The following DDAH1 variants were observed in gnomAD, a reference collection of about 807,000 sequenced individuals.
DDAH1 encodes dimethylarginine dimethylaminohydrolase 1.
Under a neutral mutation model 28.8 loss-of-function variants are expected in DDAH1, and 19 were observed. That is an observed-to-expected ratio of 0.66 (90% CI 0.46 to 0.97). The LOEUF (loss-of-function observed/expected upper bound fraction) is 0.97. DDAH1 is among the 50% of genes least tolerant of loss of function. The pLI, the probability that DDAH1 is intolerant of heterozygous loss-of-function variation, is 0.00. For missense variants in DDAH1, 326 were observed against 375.9 expected, an observed-to-expected ratio of 0.87 and a Z score of 1.10; for synonymous variants, 153 against 154.4, an observed-to-expected ratio of 0.99 and a Z score of 0.07.
chr1:85,539,307 C>A (rs1658397864), intron 1 of DDAH1, among the ~76,000 whole-genome samples: 1 of 152,132 alleles, frequency 6.6e-6, no homozygotes, highest in Non-Finnish European at 1.5e-5. Flanking sequence ...CCACCATACT[C>A]AGCTAATTTC....
intron 1 of DDAH1, among the ~76,000 whole-genome samples, chr1:85,409,516 C>T (rs980466093): frequency 2.6e-5 from 4 of 152,210 alleles, no homozygotes; most frequent in African/African-American, 9.6e-5. Flanking sequence ...AAACTTCCTA[C>T]TGGTCTGTGG....
intron 1 of DDAH1, among the ~76,000 whole-genome samples, chr1:85,369,222 A>ATTTTT (rs34408053): frequency 7.5e-6 from 1 of 133,770 alleles, no homozygotes; most frequent in African/African-American, 2.8e-5. Flanking sequence ...CCAATGGCCA[A>ATTTTT]TTTTTTTTTT....
rs563843014 is a variant in DDAH1, at chr1:85,494,336, T to C, written c.-7+1830A>G. The C allele has an allele frequency of 1.2e-4, 18 of 152,344 alleles. No homozygotes were observed. The South Asian group carries it at 3.7e-3, about 32-fold the overall frequency. 9.4% of individuals were successfully genotyped at this position (152,344 alleles called of 1,614,324 possible). The stretch of plus-strand genomic sequence containing the variant: ...TGAAATGAATTCAGCTAATGGATTC[T>C]GCTTCCCCAAAGAGTACTCTCTCTT... On this transcript the variant is annotated intron_variant, in intron 2 of 6. Transcript: ENST00000426972.
At chr1:85,512,790 C>A (rs1325456185) in intron 1 of DDAH1, among the ~76,000 whole-genome samples, 1 of 152,118 alleles carries the variant, frequency 6.6e-6, no homozygotes, top group Non-Finnish European at 1.5e-5. Flanking sequence ...ATCCAACTTA[C>A]AAGGGATGTG....
chr1:85,324,303 T>TA (rs1191279481), intron 5 of DDAH1, among the ~76,000 whole-genome samples: 2 of 97,008 alleles, frequency 2.1e-5, no homozygotes, highest in Admixed American at 1.0e-4. Flanking sequence ...TAATAATAAA[T>TA]AAAAAAATAA....
intron 1 of DDAH1, among the ~76,000 whole-genome samples, chr1:85,562,848 G>C (rs946038574): frequency 6.6e-6 from 1 of 152,096 alleles, no homozygotes; most frequent in Non-Finnish European, 1.5e-5. Context: ...ACTTTGGTAT[G>C]GCAGCCCTCA....
chr1:85,366,055 G>T (rs1650057399), intron 1 of DDAH1, among the ~76,000 whole-genome samples: 1 of 151,686 alleles, frequency 6.6e-6, no homozygotes, highest in South Asian at 2.1e-4. Context: ...GGCCTACAGG[G>T]TGGCCTCTGG....
intron 2 of DDAH1, among the ~76,000 whole-genome samples, chr1:85,473,195 GTGTC>G (rs1166803822): frequency 1.3e-5 from 2 of 152,194 alleles, no homozygotes; most frequent in Admixed American, 6.5e-5. Context: ...ATGAGTGACA[GTGTC>G]TGTTTGGTAG....
chr1:85,380,826 T>C (rs1258228641), intron 1 of DDAH1, among the ~76,000 whole-genome samples: 1 of 152,188 alleles, frequency 6.6e-6, no homozygotes, highest in Non-Finnish European at 1.5e-5. Context: ...CTTAGACTTA[T>C]GTGTGTGTGT....
chr1:85,336,291 C>T, intron 4 of DDAH1, among the ~76,000 whole-genome samples: 1 of 151,912 alleles, frequency 6.6e-6, no homozygotes, highest in East Asian at 1.9e-4. Context: ...AAATTAGGCC[C>T]CAAACAAGTA....
chr1:85,361,985 C>T (rs1192654714), intron 1 of DDAH1, among the ~76,000 whole-genome samples: 1 of 152,306 alleles, frequency 6.6e-6, no homozygotes, highest in African/African-American at 2.4e-5. Flanking sequence ...TGTGTATACA[C>T]AGTGACAGAT....
intron 1 of DDAH1, among the ~76,000 whole-genome samples, chr1:85,565,598 A>T (rs1659274462): frequency 6.6e-6 from 1 of 152,214 alleles, no homozygotes; most frequent in Non-Finnish European, 1.5e-5. Context: ...AATAAAAAAA[A>T]GTTTTTCAGA....
At chr1:85,344,947 A>G (rs1292038514) in intron 4 of DDAH1, among the ~76,000 whole-genome samples, 1 of 152,210 alleles carries the variant, frequency 6.6e-6, no homozygotes, top group African/African-American at 2.4e-5. Flanking sequence ...AGTTAGGCAC[A>G]CTTAGTTATT....
intron 1 of DDAH1, among the ~76,000 whole-genome samples, chr1:85,538,258 C>G (rs1408997168): frequency 6.6e-6 from 1 of 152,060 alleles, no homozygotes; most frequent in Non-Finnish European, 1.5e-5. Context: ...ATTCAAGGAC[C>G]CTGAATGGTA....
chr1:85,452,951 G>T (rs1481927938), intron 1 of DDAH1, among the ~76,000 whole-genome samples: 1 of 152,196 alleles, frequency 6.6e-6, no homozygotes, highest in South Asian at 2.1e-4. Context: ...CACAAGCAGA[G>T]CACTGTTAGA....
Position 85,464,072 on chromosome 1 carries a change from C to G in DDAH1, c.303+671G>C, listed in dbSNP as rs1302351735. Among the ~76,000 whole-genome samples the G allele has an allele frequency of 6.6e-6, 1 of 152,206 alleles. No homozygotes were observed. Among genetic ancestry groups the G allele is most frequent in the Non-Finnish European group, 1.5e-5 (1 of 68,030 alleles). ...ACAACCATCTCTAATTAAACACGCT[C>G]GCTAGCACACACACCCAACACCGCA... On this transcript the variant is annotated intron_variant, in intron 1 of 5. Transcript: ENST00000284031. This position sits in a 1 kb window ranked among gnomAD's most constrained non-coding sequence, Gnocchi z 4.4.
At chr1:85,485,386 T>G (rs935221776) in intron 2 of DDAH1, among the ~76,000 whole-genome samples, 17 of 152,178 alleles carry the variant, frequency 1.1e-4, no homozygotes, top group African/African-American at 3.6e-4. Context: ...TGAGCTTAAT[T>G]AATTATTTAA....
At chr1:85,328,401 G>A (rs1401798114) in intron 4 of DDAH1, among the ~76,000 whole-genome samples, 1 of 152,256 alleles carries the variant, frequency 6.6e-6, no homozygotes, top group Non-Finnish European at 1.5e-5. Flanking sequence ...GAGTGGGGCT[G>A]CCTCGATATG....
chr1:85,466,718 G>A (rs1655394512), upstream of DDAH1, among the ~76,000 whole-genome samples: 1 of 151,772 alleles, frequency 6.6e-6, no homozygotes, highest in African/African-American at 2.4e-5. Flanking sequence ...ACTTAATGGT[G>A]TCCTCAGATG....
Sources: gnomAD v4.1 joint callset for allele counts (sites outside exome capture counted in the v4.1 genomes callset) on GRCh38, gnomAD v4.1.1 for gene constraint, Gnocchi (gnomAD v3.1) non-coding constraint, MANE v1.5 for transcripts, NCBI Gene and HGNC (gene_info 2026-07-23, HGNC 2026-07-21) for gene names.